The following FAM227B variants were observed in gnomAD, a reference collection of about 807,000 sequenced individuals.
The protein encoded by FAM227B is protein FAM227B.
FAM227B carries 88 observed loss-of-function variants against 73.8 expected under a neutral mutation model. That is an observed-to-expected ratio of 1.19 (90% CI 1.00 to 1.42). FAM227B has a LOEUF of 1.42. Among genes scored for constraint, FAM227B ranks in the 40% most tolerant of loss-of-function variants. The probability of loss-of-function intolerance (pLI) is 0.00; values close to 1 mark genes in which losing one functional copy is unlikely to be tolerated. For synonymous variants in FAM227B, 210 were observed against 190.5 expected, an observed-to-expected ratio of 1.10 and a Z score of -0.84; for missense variants, 632 against 590.9, an observed-to-expected ratio of 1.07 and a Z score of -0.72.
chr15:49,355,625 G>A (rs1435788674), intron 13 of FAM227B, among the ~76,000 whole-genome samples: 1 of 152,148 alleles, frequency 6.6e-6, no homozygotes, highest in Non-Finnish European at 1.5e-5. Flanking sequence ...TGGTGTACCT[G>A]AAAGTGATGG....
chr15:49,333,274 T>C (rs1414814621), intron 14 of FAM227B, among the ~76,000 whole-genome samples: 1 of 152,208 alleles, frequency 6.6e-6, no homozygotes, highest in Non-Finnish European at 1.5e-5. Context: ...TCTGATTGCC[T>C]TTCCTCTCAT....
At chr15:49,533,766 C>G (rs1285903022) in intron 10 of FAM227B, among the ~76,000 whole-genome samples, 2 of 151,772 alleles carry the variant, frequency 1.3e-5, no homozygotes, top group Non-Finnish European at 3.0e-5. Flanking sequence ...AACCTCAAAG[C>G]TGAAATAAGT....
chr15:49,515,867 T>C (rs1264251601), intron 10 of FAM227B, among the ~76,000 whole-genome samples: 1 of 152,152 alleles, frequency 6.6e-6, no homozygotes, highest in African/African-American at 2.4e-5. Flanking sequence ...TGATATTTGT[T>C]AGTTGATGTT....
At chr15:49,332,120 T>C (rs1245012949) in intron 14 of FAM227B, among the ~76,000 whole-genome samples, 4 of 123,574 alleles carry the variant, frequency 3.2e-5, no homozygotes, top group South Asian at 2.7e-4. Context: ...CACACACACA[T>C]CCACAACAGT....
intron 11 of FAM227B, among the ~76,000 whole-genome samples, chr15:49,395,772 G>A (rs2047540498): frequency 6.6e-6 from 1 of 152,180 alleles, no homozygotes; most frequent in African/African-American, 2.4e-5. Flanking sequence ...TACCTGGTTG[G>A]TCTTCTCATC....
At chr15:49,378,960 G>T (rs4775810) in intron 11 of FAM227B, among the ~76,000 whole-genome samples, 63,018 of 151,720 alleles carry the variant, frequency 0.42, 13,227 homozygotes, top group African/African-American at 0.43. Flanking sequence ...TTATGTTGAG[G>T]TATGTTCCTG....
intron 11 of FAM227B, among the ~76,000 whole-genome samples, chr15:49,507,472 T>C (rs1370328943): frequency 6.6e-6 from 1 of 152,076 alleles, no homozygotes; most frequent in African/African-American, 2.4e-5. Flanking sequence ...TAAACATTAC[T>C]AAGCCTAGAT....
chr15:49,472,025 A>G (rs1290048805), intron 11 of FAM227B, among the ~76,000 whole-genome samples: 4 of 152,050 alleles, frequency 2.6e-5, no homozygotes, highest in Non-Finnish European at 5.9e-5. Flanking sequence ...GAAGTGAAAA[A>G]AAAAAAAAAG....
At chr15:49,417,143 G>T (rs894681157) in intron 11 of FAM227B, among the ~76,000 whole-genome samples, 1 of 152,118 alleles carries the variant, frequency 6.6e-6, no homozygotes, top group African/African-American at 2.4e-5. Flanking sequence ...TGCAATCCCA[G>T]CATGTTGGGA....
At chr15:49,407,090 T>G (rs1370259695) in intron 11 of FAM227B, among the ~76,000 whole-genome samples, 1 of 152,188 alleles carries the variant, frequency 6.6e-6, no homozygotes, top group Non-Finnish European at 1.5e-5. Context: ...ATGTCTCCTA[T>G]GGGAGCAAGC....
intron 11 of FAM227B, among the ~76,000 whole-genome samples, chr15:49,503,427 G>C (rs1347433722): frequency 6.6e-6 from 1 of 152,202 alleles, no homozygotes; most frequent in East Asian, 1.9e-4. Flanking sequence ...TGACAATTGA[G>C]ATCTAATTAA....
chr15:49,439,469 T>G (rs937135722), intron 11 of FAM227B, among the ~76,000 whole-genome samples: 1 of 151,770 alleles, frequency 6.6e-6, no homozygotes, highest in Non-Finnish European at 1.5e-5. Context: ...TAGTGAATAC[T>G]AAGTGTTAGG....
chr15:49,337,241 C>A (rs1333426935), intron 13 of FAM227B, among the ~76,000 whole-genome samples: 2 of 152,116 alleles, frequency 1.3e-5, no homozygotes, highest in Non-Finnish European at 2.9e-5. Context: ...AACGGTAGTT[C>A]TGTTTTAAGT....
intron 11 of FAM227B, chr15:49,489,299 G>A: frequency 8.1e-6 from 8 of 983,906 alleles, no homozygotes; most frequent in Non-Finnish European, 9.7e-6. Flanking sequence ...GGCTTTCAGT[G>A]GGCATCCATT....
At chr15:49,605,695 A>C (rs954381899) in intron 3 of FAM227B, among the ~76,000 whole-genome samples, 7 of 151,718 alleles carry the variant, frequency 4.6e-5, no homozygotes, top group African/African-American at 1.7e-4. Context: ...GTGGACCTGA[A>C]GTCTGACTGC....
At chr15:49,592,908 C>T (rs1024733141) in intron 3 of FAM227B, among the ~76,000 whole-genome samples, 5 of 152,172 alleles carry the variant, frequency 3.3e-5, no homozygotes, top group African/African-American at 1.2e-4. Flanking sequence ...GGACACCCCT[C>T]CCCCGACCAG....
At chr15:49,422,568 T>C in intron 11 of FAM227B, 5 of 1,327,752 alleles carry the variant, frequency 3.8e-6, no homozygotes, top group Non-Finnish European at 5.0e-6. Flanking sequence ...ATCACAGAAT[T>C]GTAAAGCACC....
At chr15:49,472,891 G>C (rs892100458) in intron 11 of FAM227B, among the ~76,000 whole-genome samples, 2 of 148,014 alleles carry the variant, frequency 1.4e-5, no homozygotes. Flanking sequence ...TAAGAGAAAG[G>C]AGTATCTAAT....
At chr15:49,536,614 T>C (rs1432596789) in intron 10 of FAM227B, among the ~76,000 whole-genome samples, 2 of 151,894 alleles carry the variant, frequency 1.3e-5, no homozygotes, top group Non-Finnish European at 2.9e-5. Context: ...AAAGCAATTA[T>C]GAGGAAAAAA....
Sources: gnomAD v4.1 joint callset for allele counts (sites outside exome capture counted in the v4.1 genomes callset) on GRCh38, gnomAD v4.1.1 for gene constraint, MANE v1.5 for transcripts, NCBI Gene and HGNC (gene_info 2026-07-23, HGNC 2026-07-21) for gene names.